The following EDARADD variants were observed in gnomAD, a reference collection of about 807,000 sequenced individuals.
EDARADD encodes ectodysplasin-A receptor-associated adapter protein.
A neutral mutation model predicts 25.6 loss-of-function variants in EDARADD; 20 were observed. That is an observed-to-expected ratio of 0.78 (90% CI 0.55 to 1.14). The LOEUF is 1.14. Ranked by LOEUF, EDARADD falls within the 50% of genes most tolerant of loss-of-function variation. The probability of loss-of-function intolerance (pLI) is 0.00; values close to 1 mark genes in which losing one functional copy is unlikely to be tolerated. For synonymous variants in EDARADD, 86 were observed against 94.4 expected, an observed-to-expected ratio of 0.91 and a Z score of 0.52; for missense variants, 225 against 270.1, an observed-to-expected ratio of 0.83 and a Z score of 1.17.
chr1:236,402,803 C>A (rs1009174214), intron 1 of EDARADD, among the ~76,000 whole-genome samples: 1 of 152,120 alleles, frequency 6.6e-6, no homozygotes, highest in Admixed American at 6.6e-5. Flanking sequence ...TTCCACTTAC[C>A]TCTTACCCTG....
chr1:236,358,396 T>A (rs576101538), intron 3 of EDARADD, among the ~76,000 whole-genome samples: 3 of 152,350 alleles, frequency 2.0e-5, no homozygotes, highest in East Asian at 1.9e-4. Flanking sequence ...CAAAGAATTT[T>A]AAAAATATTT....
rs1360342301 is a variant in EDARADD, at chr1:236,421,498, T to C, written c.161-5894T>C. On this transcript the variant is annotated intron_variant, in intron 3 of 5. Coordinates refer to ENST00000334232, the MANE Select transcript of EDARADD (RefSeq NM_145861.4). ...CAAGACCTTCCCAGTTCTTTTTTTT[T>C]TTTTTTTTTTTTTTTTTGAGACAGA... 1.8e-5 allele frequency among the ~76,000 whole-genome samples: 2 copies of C among 109,198 alleles called. 1 individual carries two copies. The highest frequency in any genetic ancestry group is 3.8e-5 in the Non-Finnish European group (2 of 52,236). The allele number at this position is 109,198 out of a possible 152,430, so 71.6% of individuals were successfully genotyped here.
Position 236,394,332 on chromosome 1 carries a change from C to A in EDARADD, c.-113C>A. On this transcript the variant is annotated 5_prime_UTR_variant, in exon 1 of 6. Transcript: ENST00000334232. Reference sequence around the variant, plus strand: ...TCCCACCTACAAATTCCCCAGAGAGCTTTCATCTAGAAGGTTTGACTCTGG... The same window carrying A: ...TCCCACCTACAAATTCCCCAGAGAGATTTCATCTAGAAGGTTTGACTCTGG... 1.7e-6 allele frequency: 2 copies of A among 1,186,452 alleles called. No individual in the cohort carries two copies. Among genetic ancestry groups the A allele is most frequent in the Non-Finnish European group, 2.5e-6 (2 of 798,850 alleles). The allele number at this position is 1,186,452 out of a possible 1,614,324, so 73.5% of individuals were successfully genotyped here. A position where few individuals can be genotyped will look rare whatever the true frequency, so the allele number is the denominator to read the frequency against.
rs567171039 is a variant in EDARADD, at chr1:236,478,964, C to T, written c.266-3303C>T. Reference sequence around the variant, plus strand: ...TTCTCACTCATAAGTGGGAGTTATGCTATGAGGACGCAAAGGCATAAGAAT... The same window carrying T: ...TTCTCACTCATAAGTGGGAGTTATGTTATGAGGACGCAAAGGCATAAGAAT... On this transcript the variant is annotated intron_variant, in intron 5 of 5. Coordinates refer to ENST00000334232, the MANE Select transcript of EDARADD (RefSeq NM_145861.4). Among the ~76,000 whole-genome samples, 20 of 152,050 alleles carry T rather than the reference C, an allele frequency of 1.3e-4. No homozygotes were observed. The South Asian group carries it at 3.7e-3, about 28-fold the overall frequency.
intron 4 of EDARADD, 134 bp from the exon 5 acceptor site, chr1:236,468,097 A>G (rs1659263803): frequency 7.4e-6 from 6 of 812,742 alleles, no homozygotes; most frequent in Non-Finnish European, 1.3e-5. Flanking sequence ...TTAAAATGCC[A>G]TTCTCAAGAT....
At chr1:236,373,622 A>AT (rs1667195235) in intron 3 of EDARADD, among the ~76,000 whole-genome samples, 1 of 151,698 alleles carries the variant, frequency 6.6e-6, no homozygotes, top group African/African-American at 2.4e-5. Flanking sequence ...GGTTTTGTTG[A>AT]TTTTTTTCTA....
At chr1:236,477,833 TG>T in intron 5 of EDARADD, among the ~76,000 whole-genome samples, 1 of 152,296 alleles carries the variant, frequency 6.6e-6, no homozygotes, top group South Asian at 2.1e-4. Context: ...CCGGGCGCGG[TG>T]GCTCACACCT....
chr1:236,367,120 A>G lies in EDARADD; in HGVS notation c.-6+16281A>G, dbSNP rs998060371. Among the ~76,000 whole-genome samples the G allele has an allele frequency of 3.6e-5, 5 of 140,422 alleles. No individual in the cohort carries two copies. In the South Asian group the frequency reaches 1.1e-3, roughly 31 times the overall value. 92.1% of individuals were successfully genotyped at this position (140,422 alleles called of 152,430 possible). A position where few individuals can be genotyped will look rare whatever the true frequency, so the allele number is the denominator to read the frequency against. On this transcript the variant is annotated intron_variant, in intron 3 of 7. Coordinates refer to the EDARADD transcript ENST00000439430. ...AAAAAAAAAGTAGAGTGTCTTGAAA[A>G]CTACATTTTCACAGATCTTCCCTGT...
At chr1:236,410,303 G>A (rs966166301) in intron 2 of EDARADD, among the ~76,000 whole-genome samples, 2 of 151,828 alleles carry the variant, frequency 1.3e-5, no homozygotes, top group African/African-American at 2.4e-5. Context: ...ATGTCCATGG[G>A]TACCCATTCT....
At chr1:236,390,840 C>G (rs973781009), upstream of EDARADD, among the ~76,000 whole-genome samples, 1 of 152,080 alleles carries the variant, frequency 6.6e-6, no homozygotes, top group Non-Finnish European at 1.5e-5. Context: ...GTTTCAGATG[C>G]TTTTGTCTGG....
chr1:236,475,764 C>CA (rs1183539573), intron 5 of EDARADD, among the ~76,000 whole-genome samples: 3 of 147,988 alleles, frequency 2.0e-5, no homozygotes, highest in African/African-American at 7.6e-5. Flanking sequence ...GACTCCGTCT[C>CA]AAAAAAAAAG....
At chr1:236,392,890 G>A (rs557094757), upstream of EDARADD, among the ~76,000 whole-genome samples, 33 of 152,160 alleles carry the variant, frequency 2.2e-4, no homozygotes, top group Non-Finnish European at 3.1e-4. Flanking sequence ...GTCTGATCTC[G>A]AACTTCTGAC....
chr1:236,482,903 G>A lies in EDARADD; in HGVS notation c.*254G>A, dbSNP rs1307213430. 6.5e-6 allele frequency: 4 copies of A among 616,936 alleles called. No homozygotes were observed. Among genetic ancestry groups the A allele is most frequent in the Admixed American group, 3.0e-5 (1 of 33,718 alleles). The allele number at this position is 616,936 out of a possible 1,614,324, so 38.2% of individuals were successfully genotyped here. On this transcript the variant is annotated 3_prime_UTR_variant, in exon 6 of 6. Transcript: ENST00000334232. Reference sequence around the variant, plus strand: ...AACATATTTTCTAGTATCCTCTAAGGGCCAAAGTCCTACAATCGGAATGGA... The same window carrying A: ...AACATATTTTCTAGTATCCTCTAAGAGCCAAAGTCCTACAATCGGAATGGA...
At chr1:236,382,317 A>C (rs895747685) in intron 3 of EDARADD, among the ~76,000 whole-genome samples, 1 of 152,064 alleles carries the variant, frequency 6.6e-6, no homozygotes, top group Non-Finnish European at 1.5e-5. Flanking sequence ...TTATAGTTTT[A>C]ATTTCTAAAA....
Position 236,482,789 on chromosome 1 carries a change from T to C in EDARADD, c.*140T>C. On this transcript the variant is annotated 3_prime_UTR_variant, in exon 6 of 6. Coordinates refer to ENST00000334232, the MANE Select transcript of EDARADD (RefSeq NM_145861.4). ...ACTGGTTTTCCCCAAAGCTGGCAGT[T>C]TTGTGGAGGGGTAGCTTGTTTCGGT... The C allele has an allele frequency of 8.1e-7, 1 of 1,228,746 alleles. No individual in the cohort carries two copies. The highest frequency in any genetic ancestry group is 1.2e-6 in the Non-Finnish European group (1 of 863,408). 76.1% of individuals were successfully genotyped at this position (1,228,746 alleles called of 1,614,324 possible).
At chr1:236,468,932 G>A (rs1659288494) in intron 5 of EDARADD, among the ~76,000 whole-genome samples, 1 of 152,168 alleles carries the variant, frequency 6.6e-6, no homozygotes, top group Non-Finnish European at 1.5e-5. Context: ...CTTGGTGGAA[G>A]GGACCAGAAG....
chr1:236,482,880 C>T lies in EDARADD; in HGVS notation c.*231C>T, dbSNP rs1248695915. 7.7e-6 allele frequency: 5 copies of T among 651,206 alleles called. No individual in the cohort carries two copies. Among genetic ancestry groups the T allele is most frequent in the Non-Finnish European group, 1.3e-5 (5 of 385,176 alleles). The allele number at this position is 651,206 out of a possible 1,614,324, so 40.3% of individuals were successfully genotyped here. On this transcript the variant is annotated 3_prime_UTR_variant, in exon 6 of 6. Coordinates refer to ENST00000334232, the MANE Select transcript of EDARADD (RefSeq NM_145861.4). ...ATATTCAAATCTGGAATTAAGAAAACATATTTTCTAGTATCCTCTAAGGGC... is the reference window on the plus strand; with the variant it reads ...ATATTCAAATCTGGAATTAAGAAAATATATTTTCTAGTATCCTCTAAGGGC...
At chr1:236,448,220 A>G (rs2103025762) in intron 4 of EDARADD, among the ~76,000 whole-genome samples, 1 of 152,338 alleles carries the variant, frequency 6.6e-6, no homozygotes. Flanking sequence ...GACTCCAAGC[A>G]TTGATCTTCC....
chr1:236,361,486 C>T (rs914261811), intron 3 of EDARADD, among the ~76,000 whole-genome samples: 33 of 151,758 alleles, frequency 2.2e-4, no homozygotes, highest in Non-Finnish European at 3.4e-4. Flanking sequence ...CCCACCACCA[C>T]ACCCAGCTAA....
Sources: allele counts gnomAD v4.1 joint callset (sites outside exome capture counted in the v4.1 genomes callset), GRCh38; gene constraint gnomAD v4.1.1; transcripts MANE v1.5; gene names NCBI Gene and HGNC (gene_info 2026-07-23, HGNC 2026-07-21).